TLN2: variants seen among roughly 807,000 people sequenced by gnomAD.
TLN2 encodes the protein talin 2.
In TLN2, 118 loss-of-function variants were observed where a neutral mutation model predicts 294.7. The observed-to-expected ratio is 0.40, with a 90% CI of 0.34 to 0.47. The LOEUF is 0.47. Ranked by LOEUF, TLN2 falls within the 20% of genes least tolerant of loss-of-function variation. The pLI, the probability that TLN2 is intolerant of heterozygous loss-of-function variation, is 0.84. For synonymous variants in TLN2, 1,431 were observed against 1,304.5 expected, an observed-to-expected ratio of 1.10 and a Z score of -2.09; for missense variants, 3,083 against 3,282.2, an observed-to-expected ratio of 0.94 and a Z score of 1.48.
At chr15:62,712,405 A>T (rs1481145481) in intron 22 of TLN2, among the ~76,000 whole-genome samples, 1 of 152,152 alleles carries the variant, frequency 6.6e-6, no homozygotes, top group African/African-American at 2.4e-5. Context: ...AATTCACCTA[A>T]ACCTATTCTC....
At chr15:62,769,061 G>A (rs559720442) in intron 41 of TLN2, among the ~76,000 whole-genome samples, 1 of 152,204 alleles carries the variant, frequency 6.6e-6, no homozygotes, top group African/African-American at 2.4e-5. Context: ...GGGGGAGCCG[G>A]GCTCCCATTT....
chr15:62,410,704 T>G (rs1295903051), intron 1 of TLN2, among the ~76,000 whole-genome samples: 3 of 152,244 alleles, frequency 2.0e-5, no homozygotes, highest in Non-Finnish European at 4.4e-5. Flanking sequence ...AGTCATTTCT[T>G]TCTTAGAACC....
chr15:62,638,448 A>G (rs1195542214), intron 3 of TLN2: 2 of 439,498 alleles, frequency 4.6e-6, no homozygotes, highest in Non-Finnish European at 9.1e-6. Context: ...TGCCAGTGCC[A>G]AGAACTACCT....
chr15:62,579,847 C>T (rs938708391), intron 1 of TLN2, among the ~76,000 whole-genome samples: 1 of 152,198 alleles, frequency 6.6e-6, no homozygotes, highest in East Asian at 1.9e-4. Flanking sequence ...TAGGAATAGT[C>T]CTCGAGCTAA....
At chr15:62,474,338 CAGTA>C (rs1179171240) in intron 1 of TLN2, among the ~76,000 whole-genome samples, 2 of 151,828 alleles carry the variant, frequency 1.3e-5, no homozygotes, top group Non-Finnish European at 2.9e-5. Flanking sequence ...CTTTTTCACT[CAGTA>C]AGAATAAGGG....
At chr15:62,479,200 G>A (rs1256263817) in intron 1 of TLN2, among the ~76,000 whole-genome samples, 1 of 152,174 alleles carries the variant, frequency 6.6e-6, no homozygotes, top group Non-Finnish European at 1.5e-5. Flanking sequence ...TCCCAGCTCT[G>A]TAATGTGATA....
chr15:62,804,265 A>G (rs1199415785), intron 50 of TLN2, among the ~76,000 whole-genome samples: 2 of 152,296 alleles, frequency 1.3e-5, no homozygotes, highest in Non-Finnish European at 2.9e-5. Flanking sequence ...GGGAAACTAC[A>G]GACACATGGG....
intron 1 of TLN2, among the ~76,000 whole-genome samples, chr15:62,489,120 C>T (rs1019794915): frequency 1.3e-5 from 2 of 152,088 alleles, no homozygotes; most frequent in African/African-American, 2.4e-5. Context: ...GAGATTGTGC[C>T]GCTGCACTCC....
chr15:62,547,349 C>T (rs1236223528), intron 1 of TLN2, among the ~76,000 whole-genome samples: 1 of 152,156 alleles, frequency 6.6e-6, no homozygotes, highest in African/African-American at 2.4e-5. Flanking sequence ...CTTGTGGCTA[C>T]GTTGACATCT....
At chr15:62,739,220 C>G in intron 30 of TLN2, 128 bp from the exon 31 acceptor site, 1 of 1,056,964 alleles carries the variant, frequency 9.5e-7, no homozygotes, top group African/African-American at 1.6e-5. Context: ...TCAGATGACT[C>G]AGAGCCTTTT....
chr15:62,710,395 G>T (rs2059348223), intron 21 of TLN2, among the ~76,000 whole-genome samples: 1 of 152,120 alleles, frequency 6.6e-6, no homozygotes, highest in Non-Finnish European at 1.5e-5. Flanking sequence ...CTTATAACGA[G>T]TTTTGGTGTT....
intron 1 of TLN2, among the ~76,000 whole-genome samples, chr15:62,559,681 C>A (rs1397251128): frequency 6.6e-6 from 1 of 152,168 alleles, no homozygotes; most frequent in Admixed American, 6.5e-5. Context: ...AATGGAAACC[C>A]ATTCATACCA....
intron 3 of TLN2, among the ~76,000 whole-genome samples, chr15:62,633,722 C>T (rs2050129367): frequency 6.6e-6 from 1 of 152,154 alleles, no homozygotes; most frequent in Admixed American, 6.5e-5. Context: ...TTATTAATAT[C>T]CTAATTGGGC....
chr15:62,475,959 C>T (rs2037761475), intron 1 of TLN2, among the ~76,000 whole-genome samples: 1 of 152,214 alleles, frequency 6.6e-6, no homozygotes, highest in Non-Finnish European at 1.5e-5. Flanking sequence ...CCTTGCTGTT[C>T]CTCGCTGCTG....
intron 51 of TLN2, among the ~76,000 whole-genome samples, chr15:62,808,353 C>G (rs997480304): frequency 3.3e-5 from 5 of 152,190 alleles, no homozygotes; most frequent in Admixed American, 2.6e-4. Context: ...TGAATATTAT[C>G]TTCCCACTGT....
rs1355601211 is a variant in TLN2, at chr15:62,742,022, GGGGTGTGTGTGT to G, written c.4025+1255_4025+1266del. On this transcript the variant is annotated intron_variant, in intron 32 of 58. Coordinates refer to ENST00000636159, the MANE Select transcript of TLN2 (RefSeq NM_015059.3). ...TCCTTCCTCCCTCTTGGCTTGTAGT[GGGGTGTGTGTGT>G]GTGTGTGTGTGTGTGTGTGTGTGTG... 5.8e-3 allele frequency among the ~76,000 whole-genome samples: 580 copies of G among 100,216 alleles called. 9 individuals carry two copies. The highest frequency in any genetic ancestry group is 0.021 in the East Asian group (23 of 1,098). 65.7% of individuals were successfully genotyped at this position (100,216 alleles called of 152,430 possible). A position where few individuals can be genotyped will look rare whatever the true frequency, so the allele number is the denominator to read the frequency against.
At chr15:62,606,069 C>T (rs1293974998) in intron 2 of TLN2, among the ~76,000 whole-genome samples, 2 of 151,976 alleles carry the variant, frequency 1.3e-5, no homozygotes, top group Non-Finnish European at 2.9e-5. Flanking sequence ...ACAGTGTTTA[C>T]CATTTCAAAA....
intron 30 of TLN2, 105 bp from the exon 31 acceptor site, chr15:62,739,243 T>C: frequency 7.7e-7 from 1 of 1,298,186 alleles, no homozygotes; most frequent in Non-Finnish European, 1.1e-6. Context: ...TCGTGATGAC[T>C]CAAATGCATC....
chr15:62,674,544 A>C lies in TLN2; in HGVS notation c.852+654A>C, dbSNP rs144545766. Reference sequence around the variant, plus strand: ...TTTTTTTGAGACAGAGCCAAGACGGAGTGCAATGGGGCGATCTCAGCTCAC... The same window carrying C: ...TTTTTTTGAGACAGAGCCAAGACGGCGTGCAATGGGGCGATCTCAGCTCAC... On this transcript the variant is annotated intron_variant, in intron 10 of 58. Coordinates refer to ENST00000636159, the MANE Select transcript of TLN2 (RefSeq NM_015059.3). 6.5e-4 allele frequency among the ~76,000 whole-genome samples: 95 copies of C among 146,292 alleles called. No homozygotes were observed. The East Asian group carries it at 0.011, about 17-fold the overall frequency.
Sources: allele counts gnomAD v4.1 joint callset (sites outside exome capture counted in the v4.1 genomes callset), GRCh38; gene constraint gnomAD v4.1.1; transcripts MANE v1.5; gene names NCBI Gene and HGNC (gene_info 2026-07-23, HGNC 2026-07-21).